ARHGAP22: variants seen among roughly 807,000 people sequenced by gnomAD.
ARHGAP22 encodes Rho GTPase activating protein 22.
ARHGAP22 carries 48 observed loss-of-function variants against 59.1 expected under a neutral mutation model. The observed-to-expected ratio is 0.81, with a 90% CI of 0.64 to 1.03. ARHGAP22 has a LOEUF of 1.03. ARHGAP22 is among the 50% of genes least tolerant of loss of function. ARHGAP22 has a pLI of 0.00. For synonymous variants in ARHGAP22, 445 were observed against 416.4 expected, an observed-to-expected ratio of 1.07 and a Z score of -0.84; for missense variants, 1,015 against 958.7, an observed-to-expected ratio of 1.06 and a Z score of -0.78.
At chr10:48,594,196 G>C (rs986919063) in intron 1 of ARHGAP22, among the ~76,000 whole-genome samples, 3 of 152,334 alleles carry the variant, frequency 2.0e-5, no homozygotes, top group Admixed American at 2.0e-4. Flanking sequence ...GCTAGTGGGA[G>C]AGACTAACAC....
rs1376282435 is a variant in ARHGAP22, at chr10:48,450,892, C to T, written c.1237G>A (p.Gly413Arg). ...TTCTTCCCAGGGCTGCACCGGCTCC[C>T]CGGCCCCGTGGGGGCTGTTCTGGAG... ...VLSRTAPTGP[G>R]SRCSPGKKVQ... Residue 413 changes from glycine to arginine, a missense_variant, in exon 9 of 10, where the codon GGG becomes AGG. Transcript: ENST00000249601. 4 of 1,588,682 alleles carry T rather than the reference C, an allele frequency of 2.5e-6. No individual in the cohort carries two copies. Among genetic ancestry groups the T allele is most frequent in the Non-Finnish European group, 3.4e-6 (4 of 1,168,992 alleles).
chr10:48,481,152 CT>C (rs547432159), intron 3 of ARHGAP22, among the ~76,000 whole-genome samples: 57 of 152,360 alleles, frequency 3.7e-4, no homozygotes, highest in African/African-American at 1.3e-3. Context: ...AGGAAGGAAG[CT>C]GGAGGCTGAG....
chr10:48,583,855 A>G (rs950838604), intron 1 of ARHGAP22, among the ~76,000 whole-genome samples: 1 of 152,198 alleles, frequency 6.6e-6, no homozygotes, highest in Non-Finnish European at 1.5e-5. Context: ...CAGAGGGGCC[A>G]GCACTCCTAC....
chr10:48,632,967 C>T (rs915899322), intron 1 of ARHGAP22, among the ~76,000 whole-genome samples: 2 of 152,194 alleles, frequency 1.3e-5, no homozygotes, highest in African/African-American at 4.8e-5. Context: ...TTCATCTACC[C>T]CTGGAAGATC....
At chr10:48,586,579 C>T (rs893232220) in intron 1 of ARHGAP22, among the ~76,000 whole-genome samples, 3 of 152,198 alleles carry the variant, frequency 2.0e-5, no homozygotes, top group African/African-American at 7.2e-5. Context: ...TATACACTGC[C>T]TTCTAGAGAT....
chr10:48,495,153 T>C (rs377353141), intron 3 of ARHGAP22, among the ~76,000 whole-genome samples: 7 of 152,182 alleles, frequency 4.6e-5, no homozygotes, highest in African/African-American at 1.7e-4. Flanking sequence ...TTCTTCCTGG[T>C]GTCCCCAGGT....
intron 3 of ARHGAP22, among the ~76,000 whole-genome samples, chr10:48,491,979 C>G (rs1173477152): frequency 1.3e-5 from 2 of 152,204 alleles, no homozygotes; most frequent in Non-Finnish European, 2.9e-5. Context: ...TGATTCCAGC[C>G]AGGCTTTCTC....
intron 2 of ARHGAP22, among the ~76,000 whole-genome samples, chr10:48,566,943 C>G (rs2058081670): frequency 6.6e-6 from 1 of 152,092 alleles, no homozygotes; most frequent in Non-Finnish European, 1.5e-5. Context: ...AGCCCAGGGC[C>G]TGGGGCCTGA....
downstream of ARHGAP22, chr10:48,444,681 A>G (rs1339917062): frequency 6.6e-6 from 1 of 150,482 alleles, no homozygotes; most frequent in Non-Finnish European, 1.5e-5. Context: ...GTCAAAAATC[A>G]GCAGAATTCC....
At chr10:48,502,863 C>T (rs1021718282) in intron 3 of ARHGAP22, among the ~76,000 whole-genome samples, 1 of 152,248 alleles carries the variant, frequency 6.6e-6, no homozygotes, top group Non-Finnish European at 1.5e-5. Context: ...CAGAGAGTGG[C>T]CCGGTAGCGG....
At chr10:48,433,363 G>GT in the ARHGAP22 span, among the ~76,000 whole-genome samples, 1 of 152,126 alleles carries the variant, frequency 6.6e-6, no homozygotes, top group Non-Finnish European at 1.5e-5. Context: ...GAATGTTTCA[G>GT]TACAAGTCTT....
downstream of ARHGAP22, chr10:48,444,114 G>T (rs61838703): frequency 6.6e-6 from 1 of 152,082 alleles, no homozygotes; most frequent in Admixed American, 6.5e-5. Context: ...TTTTAGCAAC[G>T]TGCCTCTACT....
rs11386532 is a variant in ARHGAP22, at chr10:48,650,146, C to CTTTTTTT, written c.52+2081_52+2087dup. On this transcript the variant is annotated intron_variant, in intron 1 of 9. Transcript: ENST00000435790. ...GCCCCCTCCCCCTGTGCTGGAGACT[C>CTTTTTTT]TTTTTTTTTTTTTTTTTTTTTTCTG... Among the ~76,000 whole-genome samples, 4 of 82,078 alleles carry CTTTTTTT rather than the reference C, an allele frequency of 4.9e-5. 1 individual carries two copies. Among genetic ancestry groups the CTTTTTTT allele is most frequent in the Non-Finnish European group, 6.8e-5 (3 of 44,440 alleles). The allele number at this position is 82,078 out of a possible 152,430, so 53.8% of individuals were successfully genotyped here. A position where few individuals can be genotyped will look rare whatever the true frequency, so the allele number is the denominator to read the frequency against.
chr10:48,585,626 A>G (rs2059383042), intron 1 of ARHGAP22, among the ~76,000 whole-genome samples: 1 of 152,128 alleles, frequency 6.6e-6, no homozygotes, highest in Non-Finnish European at 1.5e-5. Context: ...AGGAGGCCTC[A>G]TCTCTTCTCT....
chr10:48,451,412 T>TGGGGTG (rs1391919998), intron 8 of ARHGAP22: 1 of 704,956 alleles, frequency 1.4e-6, no homozygotes, highest in Non-Finnish European at 2.6e-6. Flanking sequence ...GCCCTCCAGC[T>TGGGGTG]GGGGTGGGGT....
intron 2 of ARHGAP22, chr10:48,574,661 G>C (rs1460950217): frequency 6.6e-6 from 1 of 152,222 alleles, no homozygotes; most frequent in East Asian, 1.9e-4. Flanking sequence ...AGGTGGTGCT[G>C]AGATGAGGGC....
intron 3 of ARHGAP22, among the ~76,000 whole-genome samples, chr10:48,480,244 T>C (rs1299266045): frequency 6.6e-6 from 1 of 152,154 alleles, no homozygotes; most frequent in African/African-American, 2.4e-5. Flanking sequence ...TCACAGAGGC[T>C]GGATGTTAAA....
At chr10:48,530,097 C>T (rs536909337) in intron 3 of ARHGAP22, among the ~76,000 whole-genome samples, 3 of 152,098 alleles carry the variant, frequency 2.0e-5, no homozygotes, top group Admixed American at 6.5e-5. Context: ...ATTAGCCAGG[C>T]ATGGTGGTGG....
chr10:48,634,438 C>T (rs2061734830), intron 1 of ARHGAP22, among the ~76,000 whole-genome samples: 1 of 152,200 alleles, frequency 6.6e-6, no homozygotes, highest in South Asian at 2.1e-4. Flanking sequence ...CACAACCATT[C>T]CCAGAGTCAA....
Sources: allele counts gnomAD v4.1 joint callset (sites outside exome capture counted in the v4.1 genomes callset), GRCh38; gene constraint gnomAD v4.1.1; transcripts MANE v1.5; gene names NCBI Gene and HGNC (gene_info 2026-07-23, HGNC 2026-07-21).